The following JAKMIP3 variants were observed in gnomAD, a reference collection of about 807,000 sequenced individuals.
The protein encoded by JAKMIP3 is Janus kinase and microtubule interacting protein 3, also known as janus kinase and microtubule-interacting protein 3.
JAKMIP3 carries 58 observed loss-of-function variants against 118.5 expected under a neutral mutation model. That is an observed-to-expected ratio of 0.49 (90% CI 0.40 to 0.61). The LOEUF (loss-of-function observed/expected upper bound fraction) is 0.61, where lower values mean the gene tolerates loss of function less well. JAKMIP3 is among the 20% of genes least tolerant of loss of function. The pLI is 0.00. For synonymous variants in JAKMIP3, 486 were observed against 451.2 expected (o/e 1.08, Z -0.98); for missense variants, 950 against 1,109.0 (o/e 0.86, Z 2.04).
At chr10:132,113,919 G>A (rs917803754) in intron 2 of JAKMIP3, among the ~76,000 whole-genome samples, 2 of 152,214 alleles carry the variant, frequency 1.3e-5, no homozygotes, top group Admixed American at 6.5e-5. Flanking sequence ...CAGCGTTACT[G>A]TCCCGTCCTT....
rs186056131 is a variant in JAKMIP3, at chr10:132,081,687, C to T, written c.-138+15626C>T. 2.0e-3 allele frequency among the ~76,000 whole-genome samples: 304 copies of T among 152,162 alleles called. 1 individual carries two copies. The highest frequency in any genetic ancestry group is 6.9e-3 in the African/African-American group (288 of 41,510). On this transcript the variant is annotated intron_variant, in intron 1 of 23. Transcript: ENST00000684848. Reference sequence around the variant, plus strand: ...TCCTCCTGTTCTTTTATGTACAGCACAGGTCAAGCTGCAGAGATGAGCCAG... The same window carrying T: ...TCCTCCTGTTCTTTTATGTACAGCATAGGTCAAGCTGCAGAGATGAGCCAG...
intron 1 of JAKMIP3, among the ~76,000 whole-genome samples, chr10:132,043,103 A>C (rs1326835865): frequency 6.6e-6 from 1 of 152,130 alleles, no homozygotes. Context: ...CAAAAACACA[A>C]AAGGCTTTTC....
chr10:132,123,064 C>T (rs2048831793), intron 3 of JAKMIP3, among the ~76,000 whole-genome samples: 2 of 152,196 alleles, frequency 1.3e-5, no homozygotes, highest in African/African-American at 4.8e-5. Context: ...ACTCTGTGCT[C>T]CTGGAGAAGC....
chr10:132,114,277 G>GAT (rs2047300636), intron 2 of JAKMIP3, among the ~76,000 whole-genome samples: 1 of 152,216 alleles, frequency 6.6e-6, no homozygotes, highest in Non-Finnish European at 1.5e-5. Flanking sequence ...GTGCAGTGGT[G>GAT]CGATCACAGC....
At chr10:132,120,744 A>C (rs1041270127) in intron 3 of JAKMIP3, among the ~76,000 whole-genome samples, 2 of 152,088 alleles carry the variant, frequency 1.3e-5, no homozygotes, top group East Asian at 3.9e-4. Context: ...CCCCTTGCCT[A>C]ACTGACAAGG....
intron 23 of JAKMIP3, among the ~76,000 whole-genome samples, chr10:132,180,604 CGTGTGTGTGTGCGTGTGTGTGCGT>C (rs2060852361): frequency 3.3e-4 from 4 of 11,984 alleles, no homozygotes; most frequent in Admixed American, 9.7e-4. Flanking sequence ...TGTGCGTGCG[CGTGTGTGTGTGCGTGTGTGTGCGT>C]GTGTGCGTGC....
rs1235582872 is a variant in JAKMIP3, at chr10:132,184,421, G to A, written c.*3168G>A. ...CCCATCCTTGAAACCCTGAGAGAGA[G>A]TGTGTGTTTTATCACAGTAATGGAA... is the stretch of plus-strand genomic sequence containing the variant. On this transcript the variant is annotated 3_prime_UTR_variant, in exon 24 of 24. Coordinates refer to ENST00000684848, the MANE Select transcript of JAKMIP3 (RefSeq NM_001323087.2). 6.6e-6 allele frequency: 1 copy of A among 152,168 alleles called. No individual in the cohort carries two copies. Among genetic ancestry groups the A allele is most frequent in the Admixed American group, 6.5e-5 (1 of 15,280 alleles). 9.4% of individuals were successfully genotyped at this position (152,168 alleles called of 1,614,324 possible).
intron 1 of JAKMIP3, among the ~76,000 whole-genome samples, chr10:132,076,627 G>A (rs2040830372): frequency 6.6e-6 from 1 of 150,934 alleles, no homozygotes; most frequent in African/African-American, 2.4e-5. Flanking sequence ...CGGTGACCCT[G>A]GGTCTGACTG....
At chr10:132,071,879 C>T (rs141180922) in intron 1 of JAKMIP3, among the ~76,000 whole-genome samples, 62 of 20,494 alleles carry the variant, frequency 3.0e-3, no homozygotes, top group African/African-American at 0.027. Context: ...TTCTTTCCTT[C>T]CTTTCTTTCT....
chr10:132,064,805 T>C (rs957830468), upstream of JAKMIP3, among the ~76,000 whole-genome samples: 5 of 152,174 alleles, frequency 3.3e-5, no homozygotes, highest in African/African-American at 1.2e-4. This position sits in a 1 kb window ranked among gnomAD's most constrained non-coding sequence, Gnocchi z 4.4. Context: ...CCCGAAGTCC[T>C]GGCCTGCCCT....
At chr10:132,056,928 G>A (rs2038253193) in intron 1 of JAKMIP3, among the ~76,000 whole-genome samples, 1 of 152,126 alleles carries the variant, frequency 6.6e-6, no homozygotes, top group Non-Finnish European at 1.5e-5. Context: ...CAGAGGTCCA[G>A]CTCCCGCCCT....
intron 1 of JAKMIP3, among the ~76,000 whole-genome samples, chr10:132,092,555 G>A (rs1414900992): frequency 1.3e-5 from 2 of 152,076 alleles, no homozygotes; most frequent in Admixed American, 6.5e-5. Flanking sequence ...CCAGTTGATC[G>A]AATCGGCTAC....
intron 9 of JAKMIP3, among the ~76,000 whole-genome samples, chr10:132,138,645 A>G (rs2052437578): frequency 6.6e-6 from 1 of 152,254 alleles, no homozygotes. Flanking sequence ...TTTCTTTCAA[A>G]TTTCCAAGAG....
intron 2 of JAKMIP3, among the ~76,000 whole-genome samples, chr10:132,108,032 A>C (rs2046188391): frequency 6.6e-6 from 1 of 152,210 alleles, no homozygotes. Context: ...CTGCTGGCTT[A>C]CACTGGTGGG....
Position 132,153,025 on chromosome 10 carries a change from TA to T in JAKMIP3, c.2073+4del. 6.2e-7 allele frequency: 1 copy of T among 1,604,996 alleles called. No homozygotes were observed. Among genetic ancestry groups the T allele is most frequent in the East Asian group, 2.2e-5 (1 of 44,628 alleles). On this transcript the variant is annotated splice_donor_region_variant and intron_variant, in intron 17 of 23. Transcript: ENST00000684848. Reference sequence around the variant, plus strand: ...ACAGTCCTGACCTTGGCCGAAAAGGTAACAGCAGCTGTGTGGACAGTCGGGA... The same window carrying T: ...ACAGTCCTGACCTTGGCCGAAAAGGTACAGCAGCTGTGTGGACAGTCGGGA...
chr10:132,063,682 A>G (rs952183064), upstream of JAKMIP3, among the ~76,000 whole-genome samples: 1 of 152,226 alleles, frequency 6.6e-6, no homozygotes, highest in South Asian at 2.1e-4. Flanking sequence ...TGCAAGGGGC[A>G]CGTTTACTGC....
Position 132,179,735 on chromosome 10 carries a change from G to A in JAKMIP3, c.*1104-2622G>A, listed in dbSNP as rs1194897452. ...CACACCACGGCAGGGTCGCACCACA[G>A]CAGGGTCACGCCACGGCAGGGTCAC... On this transcript the variant is annotated intron_variant, in intron 23 of 23. Transcript: ENST00000684848. The surrounding 1 kb of genome is among the most constrained non-coding windows in gnomAD (Gnocchi z 4.3). Among the ~76,000 whole-genome samples the A allele has an allele frequency of 1.3e-5, 2 of 151,968 alleles. No homozygotes were observed. Among genetic ancestry groups the A allele is most frequent in the South Asian group, 2.1e-4 (1 of 4,794 alleles).
chr10:132,044,926 AT>A lies in JAKMIP3; in HGVS notation c.-138+8191del, dbSNP rs1230750788. Among the ~76,000 whole-genome samples, 2 of 151,714 alleles carry A rather than the reference AT, an allele frequency of 1.3e-5. No individual in the cohort carries two copies. The highest frequency in any genetic ancestry group is 3.9e-4 in the East Asian group (2 of 5,162). ...TTCACCGTGTTGCATGCGCGTCAGG[AT>A]TTCCTTCCTTGAAGGCTGAATCCTA... On this transcript the variant is annotated intron_variant, in intron 1 of 23. Coordinates refer to the JAKMIP3 transcript ENST00000657785. This position sits in a 1 kb window ranked among gnomAD's most constrained non-coding sequence, Gnocchi z 5.3.
chr10:132,110,364 C>G (rs958768236), intron 2 of JAKMIP3, among the ~76,000 whole-genome samples: 2 of 152,274 alleles, frequency 1.3e-5, no homozygotes, highest in Non-Finnish European at 2.9e-5. Context: ...GGCCGGATCC[C>G]AACGTGGGGC....
Sources: allele counts gnomAD v4.1 joint callset (sites outside exome capture counted in the v4.1 genomes callset), GRCh38; gene constraint gnomAD v4.1.1; non-coding constraint Gnocchi (gnomAD v3.1); transcripts MANE v1.5; gene names NCBI Gene and HGNC (gene_info 2026-07-23, HGNC 2026-07-21).